Variants in TEX9 observed in about 807,000 individuals in gnomAD.
The protein encoded by TEX9 is testis expressed 9, also known as testis-expressed protein 9.
Under a neutral mutation model 59.6 loss-of-function variants are expected in TEX9, and 74 were observed. The observed-to-expected ratio is 1.24, with a 90% CI of 1.03 to 1.51. TEX9 has a LOEUF of 1.51. Among genes scored for constraint, TEX9 ranks in the 40% most tolerant of loss-of-function variants. The probability of loss-of-function intolerance (pLI) is 0.00; values close to 1 mark genes in which losing one functional copy is unlikely to be tolerated. For synonymous variants in TEX9, 186 were observed against 152.2 expected, an observed-to-expected ratio of 1.22 and a Z score of -1.64; for missense variants, 522 against 447.8, an observed-to-expected ratio of 1.17 and a Z score of -1.49.
At chr15:56,321,247 C>G (rs1383055834) in intron 1 of TEX9, among the ~76,000 whole-genome samples, 2 of 152,110 alleles carry the variant, frequency 1.3e-5, no homozygotes, top group African/African-American at 4.8e-5. Flanking sequence ...ACCCCCTTGT[C>G]CCAGGGCATA....
intron 1 of TEX9, among the ~76,000 whole-genome samples, chr15:56,353,578 CCAT>C (rs2046626649): frequency 6.6e-6 from 1 of 151,884 alleles, no homozygotes; most frequent in South Asian, 2.1e-4. Flanking sequence ...TAATTTTTGA[CCAT>C]GATTAAAATT....
chr15:56,367,441 C>T lies in TEX9; in HGVS notation c.119+1771C>T, dbSNP rs543668333. On this transcript the variant is annotated intron_variant, in intron 2 of 12. Transcript: ENST00000352903. ...ACTTCCCAGGGACCTCAATCCAAAACCTTTTGCAGTTCTGCTTCTGTTGGA... is the reference window on the plus strand; with the variant it reads ...ACTTCCCAGGGACCTCAATCCAAAATCTTTTGCAGTTCTGCTTCTGTTGGA... Among the ~76,000 whole-genome samples, 3 of 152,276 alleles carry T rather than the reference C, an allele frequency of 2.0e-5. No individual in the cohort carries two copies. The East Asian group carries it at 5.8e-4, about 29-fold the overall frequency.
At chr15:56,344,463 G>T (rs1337613613) in intron 1 of TEX9, among the ~76,000 whole-genome samples, 1 of 152,060 alleles carries the variant, frequency 6.6e-6, no homozygotes, top group Admixed American at 6.6e-5. Flanking sequence ...TCCAGAATAG[G>T]CAAATCCATA....
chr15:56,306,444 C>A (rs2141597652), intron 1 of TEX9, among the ~76,000 whole-genome samples: 1 of 152,076 alleles, frequency 6.6e-6, no homozygotes, highest in South Asian at 2.1e-4. Flanking sequence ...TGAACAAGAT[C>A]CTGTCATTTG....
intron 10 of TEX9, among the ~76,000 whole-genome samples, chr15:56,418,521 G>C (rs2049813288): frequency 6.6e-6 from 1 of 150,946 alleles, no homozygotes; most frequent in Non-Finnish European, 1.5e-5. Context: ...CGTGGTGGTG[G>C]GCGCCTGTAG....
At chr15:56,402,670 C>A (rs2048855880) in intron 9 of TEX9, among the ~76,000 whole-genome samples, 1 of 152,144 alleles carries the variant, frequency 6.6e-6, no homozygotes, top group Admixed American at 6.5e-5. Flanking sequence ...CAAAGCCTGG[C>A]AGAAACACAA....
intron 1 of TEX9, among the ~76,000 whole-genome samples, chr15:56,256,593 A>T (rs1487018591): frequency 2.6e-5 from 4 of 152,036 alleles, no homozygotes; most frequent in Non-Finnish European, 5.9e-5. Flanking sequence ...TATAAAACTA[A>T]GAGATGATTT....
chr15:56,458,621 C>T, the TEX9 span, among the ~76,000 whole-genome samples: 12 of 152,070 alleles, frequency 7.9e-5, no homozygotes, highest in African/African-American at 2.7e-4. Context: ...ACCCTTCCTC[C>T]CTAAAATCCT....
chr15:56,304,615 G>A, intron 1 of TEX9, among the ~76,000 whole-genome samples: 1 of 152,156 alleles, frequency 6.6e-6, no homozygotes, highest in East Asian at 1.9e-4. Context: ...GATGGTCATA[G>A]TCATGATGAA....
intron 3 of TEX9, among the ~76,000 whole-genome samples, chr15:56,381,052 T>G (rs1185955179): frequency 2.0e-5 from 3 of 152,146 alleles, no homozygotes; most frequent in African/African-American, 7.2e-5. Context: ...CAATAAGTCT[T>G]ATATTTGCCC....
intron 1 of TEX9, among the ~76,000 whole-genome samples, chr15:56,289,060 C>A (rs2045023277): frequency 6.6e-6 from 1 of 152,096 alleles, no homozygotes; most frequent in South Asian, 2.1e-4. Flanking sequence ...CTCCAGAGTT[C>A]TTGTCTGATT....
intron 1 of TEX9, among the ~76,000 whole-genome samples, chr15:56,266,296 T>C (rs1170207321): frequency 6.6e-6 from 1 of 151,914 alleles, no homozygotes; most frequent in African/African-American, 2.4e-5. Flanking sequence ...CTGGCTAATT[T>C]TGTATTTTTA....
chr15:56,294,883 T>G (rs1828568557), intron 1 of TEX9, among the ~76,000 whole-genome samples: 2 of 152,210 alleles, frequency 1.3e-5, no homozygotes, highest in South Asian at 4.1e-4. Context: ...AGGCAGACAC[T>G]AAGAGACCAA....
At chr15:56,304,177 GATC>G (rs2141584408) in intron 1 of TEX9, among the ~76,000 whole-genome samples, 1 of 152,296 alleles carries the variant, frequency 6.6e-6, no homozygotes, top group East Asian at 1.9e-4. Context: ...GCAGTGGTGT[GATC>G]ATTATGAAAA....
chr15:56,300,744 A>AGAGAGAGG (rs2045340460), intron 1 of TEX9, among the ~76,000 whole-genome samples: 1 of 139,410 alleles, frequency 7.2e-6, no homozygotes. Flanking sequence ...AGAGAGAGAG[A>AGAGAGAGG]GACTTCATTT....
intron 1 of TEX9, among the ~76,000 whole-genome samples, chr15:56,285,150 G>C (rs1247992869): frequency 2.0e-5 from 3 of 152,044 alleles, no homozygotes; most frequent in Admixed American, 2.0e-4. Flanking sequence ...TTTGCCTGCA[G>C]TACATCCTCT....
chr15:56,367,709 G>C (rs2047009925), intron 2 of TEX9, among the ~76,000 whole-genome samples: 1 of 152,088 alleles, frequency 6.6e-6, no homozygotes, highest in South Asian at 2.1e-4. Flanking sequence ...CCATTTATGG[G>C]TTTTTACCTT....
At position 56,297,151 on chromosome 15, in the gene TEX9, G is replaced by A. The variant is rs565734871; in HGVS notation, c.-107+52873G>A. ...ATAAAGAGAACAGGGAATGGCAACCGGCCAAGCATTATGTTGACTTGGAAT... is the reference window on the plus strand; with the variant it reads ...ATAAAGAGAACAGGGAATGGCAACCAGCCAAGCATTATGTTGACTTGGAAT... On this transcript the variant is annotated intron_variant, in intron 1 of 5. Coordinates refer to the TEX9 transcript ENST00000560827. Among the ~76,000 whole-genome samples, 24 of 152,144 alleles carry A rather than the reference G, an allele frequency of 1.6e-4. No homozygotes were observed. The South Asian group carries it at 4.6e-3, about 29-fold the overall frequency.
At chr15:56,288,271 AT>A (rs376227935) in intron 1 of TEX9, among the ~76,000 whole-genome samples, 4,370 of 148,226 alleles carry the variant, frequency 0.029, 231 homozygotes, top group African/African-American at 0.1. Context: ...TTCTTTGGTG[AT>A]TTTTTTTTTA....
Sources: allele counts gnomAD v4.1 joint callset (sites outside exome capture counted in the v4.1 genomes callset), GRCh38; gene constraint gnomAD v4.1.1; transcripts MANE v1.5; gene names NCBI Gene and HGNC (gene_info 2026-07-23, HGNC 2026-07-21).